Variants in RNF150 observed in about 807,000 individuals in gnomAD.
RNF150 encodes ring finger protein 150.
Under a neutral mutation model 39.3 loss-of-function variants are expected in RNF150, and 24 were observed. The observed-to-expected ratio is 0.61, with a 90% CI of 0.44 to 0.86. The LOEUF (loss-of-function observed/expected upper bound fraction) is 0.86. Among genes scored for constraint, RNF150 ranks in the 40% least tolerant of loss-of-function variants. The pLI, the probability that RNF150 is intolerant of heterozygous loss-of-function variation, is 0.00. For missense variants in RNF150, 502 were observed against 587.8 expected, an observed-to-expected ratio of 0.85 and a Z score of 1.51; for synonymous variants, 255 against 227.3, an observed-to-expected ratio of 1.12 and a Z score of -1.10.
intron 1 of RNF150, among the ~76,000 whole-genome samples, chr4:141,001,083 T>A (rs765098382): frequency 2.1e-4 from 32 of 152,196 alleles, no homozygotes; most frequent in Non-Finnish European, 7.4e-5. Context: ...TTCAACACAT[T>A]AAGATATAAG....
intron 1 of RNF150, among the ~76,000 whole-genome samples, chr4:140,994,650 T>C (rs1309958443): frequency 6.6e-6 from 1 of 152,104 alleles, no homozygotes; most frequent in Non-Finnish European, 1.5e-5. Context: ...ACCTAGGCTA[T>C]AACAAAATGA....
At chr4:141,009,344 G>C (rs1183568442) in intron 1 of RNF150, among the ~76,000 whole-genome samples, 1 of 152,178 alleles carries the variant, frequency 6.6e-6, no homozygotes, top group African/African-American at 2.4e-5. Context: ...ACAAGCTCCA[G>C]AGTCAGACTG....
intron 1 of RNF150, among the ~76,000 whole-genome samples, chr4:141,038,628 C>T (rs1736238081): frequency 6.6e-6 from 1 of 151,882 alleles, no homozygotes; most frequent in Admixed American, 6.6e-5. Flanking sequence ...GAGGTCAAGG[C>T]TGCAGTGAGC....
chr4:140,895,792 T>C (rs1001083633), intron 6 of RNF150, among the ~76,000 whole-genome samples: 15 of 152,232 alleles, frequency 9.9e-5, no homozygotes, highest in African/African-American at 3.1e-4. Context: ...CCAATGGTAA[T>C]TCTTTCAAAA....
At chr4:141,096,190 C>CT (rs780868429) in intron 1 of RNF150, among the ~76,000 whole-genome samples, 21,859 of 67,122 alleles carry the variant, frequency 0.33, 4,008 homozygotes, top group African/African-American at 0.34. Context: ...TTTTAGCTTT[C>CT]TTTTTTTTTT....
At chr4:141,178,367 G>A (rs1727851462) in intron 1 of RNF150, among the ~76,000 whole-genome samples, 1 of 152,142 alleles carries the variant, frequency 6.6e-6, no homozygotes. Flanking sequence ...TACATGCCTT[G>A]TGATGCAAAG....
intron 2 of RNF150, among the ~76,000 whole-genome samples, chr4:140,950,574 C>T (rs975752161): frequency 1.1e-4 from 17 of 152,126 alleles, no homozygotes; most frequent in African/African-American, 3.6e-4. Flanking sequence ...ATCTACCACC[C>T]TCACCTTTAT....
chr4:140,925,662 C>T (rs1731369935), intron 5 of RNF150, among the ~76,000 whole-genome samples: 1 of 152,126 alleles, frequency 6.6e-6, no homozygotes, highest in Non-Finnish European at 1.5e-5. Context: ...GTGCAACTGG[C>T]CCGGGGTGTA....
At chr4:141,212,094 C>CTG (rs1728478057) in intron 1 of RNF150, among the ~76,000 whole-genome samples, 2 of 152,248 alleles carry the variant, frequency 1.3e-5, no homozygotes, top group East Asian at 3.9e-4. Flanking sequence ...GACAATATCT[C>CTG]ACTGAATAAT....
intron 4 of RNF150, among the ~76,000 whole-genome samples, chr4:140,937,098 T>C (rs1731889612): frequency 6.6e-6 from 1 of 152,194 alleles, no homozygotes; most frequent in Non-Finnish European, 1.5e-5. Flanking sequence ...TTTAGGAATG[T>C]ATCTGAAGGG....
intron 1 of RNF150, among the ~76,000 whole-genome samples, chr4:141,053,413 T>C (rs1736853516): frequency 1.3e-5 from 2 of 152,028 alleles, no homozygotes; most frequent in South Asian, 4.2e-4. Context: ...TAAGAAAAAC[T>C]AGGATCATTA....
chr4:140,872,162 GA>G (rs1728973069), intron 6 of RNF150, among the ~76,000 whole-genome samples: 1 of 152,170 alleles, frequency 6.6e-6, no homozygotes, highest in Non-Finnish European at 1.5e-5. Context: ...TAATACGAAT[GA>G]AAACTTTGTC....
chr4:140,898,472 A>T (rs1472518410), intron 6 of RNF150, among the ~76,000 whole-genome samples: 1 of 152,230 alleles, frequency 6.6e-6, no homozygotes, highest in African/African-American at 2.4e-5. Flanking sequence ...TATGCTAGAT[A>T]AAAGCACAGA....
At chr4:141,002,839 T>C (rs1007428933) in intron 1 of RNF150, among the ~76,000 whole-genome samples, 1 of 146,614 alleles carries the variant, frequency 6.8e-6, no homozygotes, top group Non-Finnish European at 1.5e-5. Flanking sequence ...GTTTTCCCAA[T>C]AATGAAGTCA....
At chr4:141,038,645 T>C (rs1736238806) in intron 1 of RNF150, among the ~76,000 whole-genome samples, 1 of 151,936 alleles carries the variant, frequency 6.6e-6, no homozygotes, top group Non-Finnish European at 1.5e-5. Context: ...GAGCCATGAT[T>C]GTGCCACTGC....
At chr4:141,092,566 T>A (rs2111011943) in intron 1 of RNF150, among the ~76,000 whole-genome samples, 1 of 152,192 alleles carries the variant, frequency 6.6e-6, no homozygotes, top group South Asian at 2.1e-4. Context: ...AGAGACAAAT[T>A]ATTTTATTTT....
chr4:141,019,584 T>C (rs568671592), intron 1 of RNF150, among the ~76,000 whole-genome samples: 3 of 152,232 alleles, frequency 2.0e-5, no homozygotes, highest in East Asian at 3.9e-4. Flanking sequence ...TCTCCCACCC[T>C]CCACCACCAA....
intron 6 of RNF150, among the ~76,000 whole-genome samples, chr4:140,900,820 TTA>T (rs3033126): frequency 0.4 from 60,069 of 150,676 alleles, 12,070 homozygotes; most frequent in East Asian, 0.52. Flanking sequence ...GCTAGGAACT[TTA>T]TATATATATA....
At chr4:141,183,689 C>A (rs1040529634) in intron 1 of RNF150, among the ~76,000 whole-genome samples, 2 of 151,246 alleles carry the variant, frequency 1.3e-5, no homozygotes, top group Non-Finnish European at 3.0e-5. Flanking sequence ...CCAAACCCCC[C>A]AACAGCGCCT....
Sources: gnomAD v4.1 joint callset for allele counts (sites outside exome capture counted in the v4.1 genomes callset) on GRCh38, gnomAD v4.1.1 for gene constraint, MANE v1.5 for transcripts, NCBI Gene and HGNC (gene_info 2026-07-23, HGNC 2026-07-21) for gene names.